The following TTN variants were observed in gnomAD, a reference collection of about 807,000 sequenced individuals.
TTN encodes connectin.
In TTN, 1,525 loss-of-function variants were observed where a neutral mutation model predicts 3,223.0. The observed-to-expected ratio is 0.47, with a 90% CI of 0.45 to 0.49. The LOEUF is 0.49. Ranked by LOEUF, TTN falls within the 20% of genes least tolerant of loss-of-function variation. TTN has a pLI of 0.00. For synonymous variants in TTN, 14,094 were observed against 15,161.0 expected, an observed-to-expected ratio of 0.93 and a Z score of 5.17; for missense variants, 40,786 against 43,424.0, an observed-to-expected ratio of 0.94 and a Z score of 5.40.
chr2:178,606,995 A>G, intron 278 of TTN, 26 bp downstream of exon 278: 2 of 1,594,266 alleles, frequency 1.3e-6, no homozygotes, highest in African/African-American at 1.4e-5. Context: ...ATTACTCTAT[A>G]AACACAATGA....
At chr2:178,646,103 A>AG (rs1560055466) in intron 216 of TTN, 73 bp from the exon 217 acceptor site, 1 of 38,200 alleles carries the variant, frequency 2.6e-5, no homozygotes, top group Non-Finnish European at 4.8e-5. Flanking sequence ...TTTAATAGAA[A>AG]TTATATATAT....
rs776761911 is a variant in TTN, at chr2:178,531,126, C to G, written c.105489G>C (p.Leu35163=). Residue 35163 remains leucine, a synonymous_variant, in exon 358 of 363, where the codon CTG becomes CTC. Transcript: ENST00000589042. The stretch of plus-strand genomic sequence containing the variant: ...AAGTACTTAGCACTTGTCCTTTACG[C>G]AGCCAGGTCACAGTTGGTACCGGCT... The part of the protein sequence containing the change: ...DGEPVPTVTW[L]RKGQVLSTSA... 3.1e-6 allele frequency: 5 copies of G among 1,613,882 alleles called. No homozygotes were observed. The highest frequency in any genetic ancestry group is 1.7e-5 in the Admixed American group (1 of 59,996).
Position 178,712,328 on chromosome 2 carries a change from T to C in TTN, c.27594A>G (p.Gln9198=). 2.5e-6 allele frequency: 4 copies of C among 1,613,498 alleles called. No individual in the cohort carries two copies. Among genetic ancestry groups the C allele is most frequent in the Non-Finnish European group, 3.4e-6 (4 of 1,179,544 alleles). The change falls in exon 95 of 363, where the codon CAA becomes CAG. Residue 9198 remains glutamine, a synonymous_variant. Transcript: ENST00000589042. ...ATCATGACAAACCTAGTATGAGTATTTGTGCTGAACAGGAATCTTTTCCAG... is the reference window on the plus strand; with the variant it reads ...ATCATGACAAACCTAGTATGAGTATCTGTGCTGAACAGGAATCTTTTCCAG... ...NASGKDSCSA[Q]ILILEPPYFV...
At position 178,640,532 on chromosome 2, in the gene TTN, G is replaced by A; in HGVS notation, c.40723+9C>T. 1.9e-6 allele frequency: 3 copies of A among 1,600,782 alleles called. No individual in the cohort carries two copies. The highest frequency in any genetic ancestry group is 1.1e-5 in the South Asian group (1 of 89,216). Reference sequence around the variant, plus strand: ...TTAGAGACAACTAAGAATGACAGTAGATTTGTACCTTTTGTTGGTTCAGGA... The same window carrying A: ...TTAGAGACAACTAAGAATGACAGTAAATTTGTACCTTTTGTTGGTTCAGGA... On this transcript the variant is annotated intron_variant, in intron 221 of 362. Coordinates refer to ENST00000589042, the MANE Select transcript of TTN (RefSeq NM_001267550.2).
chr2:178,776,486 A>G lies in TTN; in HGVS notation c.5378T>C (p.Ile1793Thr), dbSNP rs746284395. 1.1e-5 allele frequency: 17 copies of G among 1,608,080 alleles called. No homozygotes were observed. The East Asian group carries it at 1.3e-4, about 13-fold the overall frequency. The change falls in exon 28 of 363, where the codon ATT (isoleucine) becomes ACT (threonine). Residue 1793 changes from isoleucine to threonine, a missense_variant. Coordinates refer to ENST00000589042, the MANE Select transcript of TTN (RefSeq NM_001267550.2). ...CACAAGACTTTTCTCATCTTTAACA[A>G]TAAGGGTAGCAGATGTGTGATCTGT... Reference protein sequence around the residue: ...YGTDHTSATLIVKDEKSLVEE... With the variant: ...YGTDHTSATLTVKDEKSLVEE...
intron 10 of TTN, 49 bp downstream of exon 10, chr2:178,792,023 A>C: frequency 6.3e-7 from 1 of 1,595,010 alleles, no homozygotes; most frequent in Non-Finnish European, 8.6e-7. Flanking sequence ...AGCTGGCTGT[A>C]ATGTGATATT....
Position 178,579,162 on chromosome 2 carries a change from A to T in TTN, c.67868T>A (p.Ile22623Asn), listed in dbSNP as rs765139811. ...GGTGCCAGCAACATTCTTAAGTGTG[A>T]TTGTGTATTTTCCAGCATCAGATTT... ...CQKSDAGKYT[I>N]TLKNVAGTKE... The change falls in exon 320 of 363, where the codon ATC becomes AAC. Residue 22623 changes from isoleucine to asparagine, a missense_variant. Physicochemically the swap from Ile to Asn is moderately radical, Grantham distance 149. Coordinates refer to ENST00000589042, the MANE Select transcript of TTN (RefSeq NM_001267550.2). The T allele has an allele frequency of 6.2e-7, 1 of 1,613,346 alleles. No homozygotes were observed. The highest frequency in any genetic ancestry group is 1.1e-5 in the South Asian group (1 of 91,066).
In TTN at chr2:178,614,094, C is replaced by T. The variant is rs886044255; in HGVS notation, c.49303G>A (p.Glu16435Lys). 3.1e-6 allele frequency: 5 copies of T among 1,612,364 alleles called. No individual in the cohort carries two copies. Among genetic ancestry groups the T allele is most frequent in the Non-Finnish European group, 4.2e-6 (5 of 1,179,206 alleles). Reference sequence around the variant, plus strand: ...GTTATTGGAGAGGCCTGAACTGGTTCACCAACACCATACATGTTTTCTGCA... The same window carrying T: ...GTTATTGGAGAGGCCTGAACTGGTTTACCAACACCATACATGTTTTCTGCA... ...VAAENMYGVG[E>K]PVQASPITAK... The change falls in exon 262 of 363, where the codon GAA becomes AAA. Residue 16435 changes from glutamate to lysine, a missense_variant. By Grantham distance (56) the Glu-to-Lys change is moderately conservative (BLOSUM62 1). Coordinates refer to ENST00000589042, the MANE Select transcript of TTN (RefSeq NM_001267550.2).
rs1015677667 is a variant in TTN, at chr2:178,606,892, T to C, written c.53581+129A>G. The C allele has an allele frequency of 8.6e-6, 9 of 1,042,962 alleles. No individual in the cohort carries two copies. The African/African-American group carries it at 1.5e-4, about 17-fold the overall frequency. 64.6% of individuals were successfully genotyped at this position (1,042,962 alleles called of 1,614,324 possible). A position where few individuals can be genotyped will look rare whatever the true frequency, so the allele number is the denominator to read the frequency against. On this transcript the variant is annotated intron_variant, in intron 278 of 362. Coordinates refer to ENST00000589042, the MANE Select transcript of TTN (RefSeq NM_001267550.2). ...TTAATGTTGCTAATAGTTTTTTGAT[T>C]TACTTTTCTTATTACTCTTTAGCTA...
rs778727479 is a variant in TTN at position 178,681,674 on chromosome 2, G to A, written c.33159C>T (p.Ala11053=). 1 of 1,604,928 alleles carries A rather than the reference G, an allele frequency of 6.2e-7. No individual in the cohort carries two copies. The highest frequency in any genetic ancestry group is 1.1e-5 in the South Asian group (1 of 88,408). The stretch of plus-strand genomic sequence containing the variant: ...TTTTCACTCTACCTTTAGCCGGTGG[G>A]GCCTTTGGTTTTGTGGGAACTGGTT... ...PEEPVPTKPK[A]PPAKVLKKAV... The change falls in exon 136 of 363, where the codon GCC becomes GCT. Residue 11053 remains alanine, a synonymous_variant. Coordinates refer to ENST00000589042, the MANE Select transcript of TTN (RefSeq NM_001267550.2).
chr2:178,805,542 G>A (rs2094278159), intron 1 of TTN, among the ~76,000 whole-genome samples: 2 of 152,022 alleles, frequency 1.3e-5, no homozygotes. Context: ...TCTCTTTCCT[G>A]ACTGGAGAAG....
chr2:178,752,502 T>C (rs1041067173), intron 47 of TTN, among the ~76,000 whole-genome samples: 36 of 151,950 alleles, frequency 2.4e-4, no homozygotes, highest in African/African-American at 7.7e-4. Flanking sequence ...AATAATTAGC[T>C]AAAATAAAAT....
In TTN at chr2:178,555,077, C is replaced by G; in HGVS notation, c.88382G>C (p.Arg29461Thr). The part of the protein sequence containing the change: ...KYRAGTSVKL[R>T]AGISGKPAPT... The stretch of plus-strand genomic sequence containing the variant: ...CGCAGGTTTGCCAGAAATGCCAGCT[C>G]TGAGCTTCACAGATGTACCTGCTCT... Residue 29461 changes from arginine (R) to threonine (T), a missense_variant, in exon 331 of 363, where the codon AGA (arginine) becomes ACA (threonine). Physicochemically the swap from Arg to Thr is moderately conservative, Grantham distance 71. Transcript: ENST00000589042. 1.2e-6 allele frequency: 2 copies of G among 1,613,820 alleles called. No homozygotes were observed. Among genetic ancestry groups the G allele is most frequent in the Non-Finnish European group, 1.7e-6 (2 of 1,179,826 alleles).
intron 359 of TTN, 30 bp from the exon 360 acceptor site, chr2:178,529,249 T>C: frequency 1.4e-6 from 2 of 1,406,906 alleles, no homozygotes; most frequent in South Asian, 3.2e-5. Context: ...AAGGCAAACT[T>C]AATTAGAAAG....
In TTN at chr2:178,770,403, T is replaced by C. The variant is rs201690848; in HGVS notation, c.8380+9A>G. On this transcript the variant is annotated intron_variant, in intron 35 of 362. Transcript: ENST00000589042. ...TGACTGCTTGAAAAGTGTTTCTAAATCAACTTACTCTCCACGTGCAGTCTG... is the reference window on the plus strand; with the variant it reads ...TGACTGCTTGAAAAGTGTTTCTAAACCAACTTACTCTCCACGTGCAGTCTG... 6.2e-7 allele frequency: 1 copy of C among 1,614,162 alleles called. No homozygotes were observed. Among genetic ancestry groups the C allele is most frequent in the Non-Finnish European group, 8.5e-7 (1 of 1,180,024 alleles).
rs1265090673 is a variant in TTN at position 178,639,710 on chromosome 2, C to G, written c.40865G>C (p.Gly13622Ala). Residue 13622 changes from glycine to alanine, a missense_variant, in exon 223 of 363, where the codon GGA (glycine) becomes GCA (alanine). Physicochemically the swap from Gly to Ala is moderately conservative, Grantham distance 60. Coordinates refer to ENST00000589042, the MANE Select transcript of TTN (RefSeq NM_001267550.2). Reference sequence around the variant, plus strand: ...TACAGGATAAATACCTGCTTTCTTTCCAACCACTGGCACTGTTACTGGGGC... The same window carrying G: ...TACAGGATAAATACCTGCTTTCTTTGCAACCACTGGCACTGTTACTGGGGC... ...IAAPVTVPVV[G>A]KKAEAKAPKE... is the part of the protein sequence containing the mutation. 1 of 1,611,612 alleles carries G rather than the reference C, an allele frequency of 6.2e-7. No homozygotes were observed. Among genetic ancestry groups the G allele is most frequent in the Non-Finnish European group, 8.5e-7 (1 of 1,178,606 alleles).
At chr2:178,632,476 A>G (rs374415247) in intron 235 of TTN, 50 bp downstream of exon 235, 7 of 1,590,178 alleles carry the variant, frequency 4.4e-6, no homozygotes, top group African/African-American at 4.1e-5. Context: ...ATATAAAACT[A>G]AAGGCAAAAA....
At chr2:178,699,462 A>AT (rs1278985564) in intron 111 of TTN, among the ~76,000 whole-genome samples, 4 of 110,550 alleles carry the variant, frequency 3.6e-5, no homozygotes, top group Non-Finnish European at 6.7e-5. Context: ...CCCAGGCCGG[A>AT]TTGCAGTGGC....
At chr2:178,726,235 C>T in intron 69 of TTN, 189 bp from the exon 70 acceptor site, 1 of 544,820 alleles carries the variant, frequency 1.8e-6, no homozygotes, top group Non-Finnish European at 3.0e-6. Context: ...GCTAGATGGG[C>T]AGAGAACCCA....
Sources: allele counts gnomAD v4.1 joint callset (sites outside exome capture counted in the v4.1 genomes callset), GRCh38; gene constraint gnomAD v4.1.1; transcripts MANE v1.5; gene names NCBI Gene and HGNC (gene_info 2026-07-23, HGNC 2026-07-21).